Variants in ALG9 observed in about 807,000 individuals in gnomAD.
ALG9 encodes alpha-1,2-mannosyltransferase ALG9.
Under a neutral mutation model 81.8 loss-of-function variants are expected in ALG9, and 55 were observed. That is an observed-to-expected ratio of 0.67 (90% CI 0.54 to 0.84). ALG9 has a LOEUF of 0.84. Among genes scored for constraint, ALG9 ranks in the 40% least tolerant of loss-of-function variants. ALG9 has a pLI of 0.00. For missense variants in ALG9, 629 were observed against 745.0 expected (o/e 0.84, Z 1.81); for synonymous variants, 278 against 274.3 (o/e 1.01, Z -0.13).
At chr11:111,790,491 G>A (rs536501091) in intron 14 of ALG9, among the ~76,000 whole-genome samples, 60 of 152,292 alleles carry the variant, frequency 3.9e-4, no homozygotes, top group African/African-American at 1.3e-3. Context: ...TAAAAAATAA[G>A]TGGCTGGACT....
Position 111,870,376 on chromosome 11 carries a change from C to G in ALG9, c.132-6G>C. On this transcript the variant is annotated splice_region_variant and splice_polypyrimidine_tract_variant and intron_variant, in intron 1 of 14. Transcript: ENST00000616540. ...CTGCTTTGTTCCCAGATAACCTGTT[C>G]AAAAGCAAAAAAAAAAAAAAAAAAA... 2.6e-6 allele frequency: 1 copy of G among 391,872 alleles called. No individual in the cohort carries two copies. Among genetic ancestry groups the G allele is most frequent in the South Asian group, 4.8e-5 (1 of 20,816 alleles). 24.3% of individuals were successfully genotyped at this position (391,872 alleles called of 1,614,324 possible).
At position 111,868,626 on chromosome 11, in the gene ALG9, A is replaced by G. The variant is rs1305260498; in HGVS notation, c.381T>C (p.His127=). 2 of 1,613,920 alleles carry G rather than the reference A, an allele frequency of 1.2e-6. No individual in the cohort carries two copies. Among genetic ancestry groups the G allele is most frequent in the Admixed American group, 3.3e-5 (2 of 60,002 alleles). The part of the protein sequence containing the change: ...LLLHAWPAAF[H]ARILQTNKIL... ...CCTTATTAGTTTGTAGAATTCTTGC[A>G]TGAAATGCAGCTGGCCAGGCATGAA... Residue 127 remains histidine, a synonymous_variant, in exon 3 of 15, where the codon CAT becomes CAC. Coordinates refer to ENST00000616540, the MANE Select transcript of ALG9 (RefSeq NM_024740.2).
At chr11:111,835,757 C>T (rs1019375673) in intron 13 of ALG9, among the ~76,000 whole-genome samples, 10 of 151,994 alleles carry the variant, frequency 6.6e-5, no homozygotes, top group African/African-American at 1.9e-4. Context: ...AAAAAATATC[C>T]GGTTTTTTTC....
chr11:111,797,665 C>T (rs1948504161), intron 14 of ALG9, among the ~76,000 whole-genome samples: 3 of 152,228 alleles, frequency 2.0e-5, no homozygotes, highest in African/African-American at 7.2e-5. Flanking sequence ...AGAAATAGTT[C>T]TGCTTATGCT....
intron 9 of ALG9, 81 bp downstream of exon 9, chr11:111,844,520 T>C: frequency 5.1e-6 from 8 of 1,582,108 alleles, no homozygotes; most frequent in African/African-American, 1.3e-5. Context: ...ATAAAGTAAG[T>C]AGGATTTTCC....
chr11:111,839,457 C>T (rs997348855), intron 10 of ALG9, among the ~76,000 whole-genome samples: 8 of 151,780 alleles, frequency 5.3e-5, no homozygotes, highest in South Asian at 4.2e-4. Context: ...TGGTGGCGGG[C>T]GCCTGTAGTC....
chr11:111,811,124 T>C (rs782082774), intron 13 of ALG9, among the ~76,000 whole-genome samples: 2 of 152,218 alleles, frequency 1.3e-5, no homozygotes, highest in Admixed American at 6.5e-5. Context: ...AGGATGTCAA[T>C]CAATGTCATA....
At position 111,786,328 on chromosome 11, in the gene ALG9, T is replaced by G. The variant is rs937962243; in HGVS notation, c.*69A>C. The G allele has an allele frequency of 1.9e-6, 3 of 1,607,500 alleles. No homozygotes were observed. Among genetic ancestry groups the G allele is most frequent in the Non-Finnish European group, 2.6e-6 (3 of 1,175,410 alleles). Reference sequence around the variant, plus strand: ...ATTACAAATGTTACAGGCGATGACTTGCAGGGAGTCAGGTCACTGGAATCA... The same window carrying G: ...ATTACAAATGTTACAGGCGATGACTGGCAGGGAGTCAGGTCACTGGAATCA... On this transcript the variant is annotated 3_prime_UTR_variant, in exon 15 of 15. Transcript: ENST00000616540.
chr11:111,776,435 C>A, the ALG9 span, among the ~76,000 whole-genome samples: 1 of 151,960 alleles, frequency 6.6e-6, no homozygotes, highest in Non-Finnish European at 1.5e-5. Context: ...ACTAAAAATA[C>A]AAAAGTTAGC....
At chr11:111,847,982 G>C (rs1435632328) in intron 8 of ALG9, among the ~76,000 whole-genome samples, 1 of 152,126 alleles carries the variant, frequency 6.6e-6, no homozygotes, top group Non-Finnish European at 1.5e-5. Context: ...TTATTCTCTG[G>C]TAAAGTCTCA....
intron 13 of ALG9, among the ~76,000 whole-genome samples, chr11:111,826,864 T>C (rs1045748694): frequency 1.3e-5 from 2 of 152,298 alleles, no homozygotes; most frequent in East Asian, 3.9e-4. Flanking sequence ...CTGATTTTAT[T>C]GTTCTTTTTC....
chr11:111,839,004 T>A (rs1215488957), intron 10 of ALG9, among the ~76,000 whole-genome samples: 1 of 152,186 alleles, frequency 6.6e-6, no homozygotes, highest in African/African-American at 2.4e-5. Context: ...AAAGCAATTT[T>A]CCAATATATA....
At chr11:111,870,795 A>G (rs1462930040) in intron 1 of ALG9, 6 of 1,008,034 alleles carry the variant, frequency 6.0e-6, no homozygotes, top group Non-Finnish European at 5.9e-6. Context: ...CAAAGCTGTC[A>G]TTCTCCTTTT....
At chr11:111,848,854 G>A (rs1237105602) in intron 8 of ALG9, among the ~76,000 whole-genome samples, 2 of 151,928 alleles carry the variant, frequency 1.3e-5, no homozygotes, top group Non-Finnish European at 2.9e-5. Context: ...TTCCTTCCAG[G>A]CTCAGCTCAA....
Position 111,784,098 on chromosome 11 carries a change from C to T in ALG9, c.*2299G>A, listed in dbSNP as rs1946221558. ...CAGCACATTATTACTGCAAGTAAGG[C>T]AAATGTTTCACTTAAAATTCTCTGT... On this transcript the variant is annotated 3_prime_UTR_variant, in exon 15 of 15. Transcript: ENST00000616540. The T allele has an allele frequency of 6.6e-6, 1 of 152,186 alleles. No individual in the cohort carries two copies. The highest frequency in any genetic ancestry group is 2.4e-5 in the African/African-American group (1 of 41,436). The allele number at this position is 152,186 out of a possible 1,614,324, so 9.4% of individuals were successfully genotyped here.
chr11:111,772,563 C>T, the ALG9 span, among the ~76,000 whole-genome samples: 1 of 152,174 alleles, frequency 6.6e-6, no homozygotes, highest in Non-Finnish European at 1.5e-5. Flanking sequence ...AATAACCTAT[C>T]CTCTCTGAAT....
rs75267157 is a variant in ALG9 at position 111,802,476 on chromosome 11, C to T, written c.1733+7167G>A. 4.1e-3 allele frequency among the ~76,000 whole-genome samples: 622 copies of T among 152,230 alleles called. 3 individuals are homozygous for T. The highest frequency in any genetic ancestry group is 0.014 in the African/African-American group (594 of 41,526). On this transcript the variant is annotated intron_variant, in intron 14 of 14. Coordinates refer to ENST00000616540, the MANE Select transcript of ALG9 (RefSeq NM_024740.2). ...ACTTATATGAAATGTCCAGAAAAGGCAATCTATAGAAGCAGAGAATAGATT... is the reference window on the plus strand; with the variant it reads ...ACTTATATGAAATGTCCAGAAAAGGTAATCTATAGAAGCAGAGAATAGATT...
At chr11:111,810,848 AT>A (rs1451337828) in intron 13 of ALG9, among the ~76,000 whole-genome samples, 2 of 152,254 alleles carry the variant, frequency 1.3e-5, no homozygotes, top group Non-Finnish European at 2.9e-5. Flanking sequence ...ATGTACAGAT[AT>A]GCAGCAAATA....
At position 111,785,847 on chromosome 11, in the gene ALG9, C is replaced by T. The variant is rs568705521; in HGVS notation, c.*550G>A. The T allele has an allele frequency of 1.1e-5, 4 of 359,604 alleles. No individual in the cohort carries two copies. The highest frequency in any genetic ancestry group is 8.5e-5 in the African/African-American group (4 of 46,880). 22.3% of individuals were successfully genotyped at this position (359,604 alleles called of 1,614,324 possible). ...AGTCCTGTGAAGTGCTTTAAAGAAG[C>T]TTAGTCTTGCTGGAGGTGAAAAGGA... On this transcript the variant is annotated 3_prime_UTR_variant, in exon 15 of 15. Coordinates refer to ENST00000616540, the MANE Select transcript of ALG9 (RefSeq NM_024740.2).
Sources: gnomAD v4.1 joint callset for allele counts (sites outside exome capture counted in the v4.1 genomes callset) on GRCh38, gnomAD v4.1.1 for gene constraint, MANE v1.5 for transcripts, NCBI Gene and HGNC (gene_info 2026-07-23, HGNC 2026-07-21) for gene names.